The following GRID1 variants were observed in gnomAD, a reference collection of about 807,000 sequenced individuals.
GRID1 encodes the protein glutamate receptor ionotropic, delta-1.
GRID1 carries 28 observed loss-of-function variants against 98.0 expected under a neutral mutation model. The ratio of observed to expected loss-of-function variants is 0.29; its 90% CI spans 0.21 to 0.39. The LOEUF (loss-of-function observed/expected upper bound fraction) is 0.39. Among genes scored for constraint, GRID1 ranks in the 10% least tolerant of loss-of-function variants. GRID1 has a pLI of 1.00. For missense variants in GRID1, 1,111 were observed against 1,340.5 expected (o/e 0.83, Z 2.67); for synonymous variants, 553 against 538.5 (o/e 1.03, Z -0.37).
intron 8 of GRID1, among the ~76,000 whole-genome samples, chr10:85,834,187 T>C (rs1304257424): frequency 6.6e-6 from 1 of 152,150 alleles, no homozygotes; most frequent in Non-Finnish European, 1.5e-5. Flanking sequence ...CATATCATAA[T>C]AAAACTTCTG....
intron 2 of GRID1, among the ~76,000 whole-genome samples, chr10:86,307,126 T>C (rs914167673): frequency 2.6e-5 from 4 of 152,178 alleles, no homozygotes; most frequent in African/African-American, 7.2e-5. Context: ...GAAAACAGTA[T>C]TGGGTATTGG....
At chr10:85,632,952 A>G (rs1189680496) in intron 13 of GRID1, among the ~76,000 whole-genome samples, 1 of 152,032 alleles carries the variant, frequency 6.6e-6, no homozygotes, top group Non-Finnish European at 1.5e-5. Flanking sequence ...TTCAGCTCCC[A>G]CTTATGAGTG....
chr10:86,325,665 C>G (rs1046747440), intron 2 of GRID1, among the ~76,000 whole-genome samples: 8 of 152,178 alleles, frequency 5.3e-5, no homozygotes, highest in Non-Finnish European at 1.0e-4. Flanking sequence ...AAGAACATAA[C>G]AAGAGAAATT....
chr10:85,910,793 A>C (rs1455430099), intron 5 of GRID1, among the ~76,000 whole-genome samples: 1 of 152,262 alleles, frequency 6.6e-6, no homozygotes, highest in Non-Finnish European at 1.5e-5. Flanking sequence ...AGGCATGTGC[A>C]TCAATTCCCC....
chr10:85,613,671 C>T (rs1260755104), intron 14 of GRID1, 24 bp from the exon 15 acceptor site: 2 of 1,602,902 alleles, frequency 1.2e-6, no homozygotes, highest in Admixed American at 1.7e-5. Context: ...TCAAGGTGAG[C>T]TATAGCCACT....
At chr10:86,172,397 C>T (rs1163219320) in intron 3 of GRID1, among the ~76,000 whole-genome samples, 1 of 152,158 alleles carries the variant, frequency 6.6e-6, no homozygotes, top group Non-Finnish European at 1.5e-5. Flanking sequence ...CATATTCATG[C>T]ATACACCTAC....
At chr10:86,274,086 T>A (rs1847229365) in intron 2 of GRID1, among the ~76,000 whole-genome samples, 1 of 152,228 alleles carries the variant, frequency 6.6e-6, no homozygotes, top group Admixed American at 6.5e-5. Context: ...AATTAATTTT[T>A]GTATAAGGTG....
chr10:85,622,922 G>T (rs1842873641), intron 13 of GRID1, among the ~76,000 whole-genome samples: 1 of 152,320 alleles, frequency 6.6e-6, no homozygotes, highest in Middle Eastern at 3.4e-3. Flanking sequence ...GTGCCTCCAA[G>T]AACTGGTAAC....
chr10:85,844,799 C>T lies in GRID1; in HGVS notation c.1233+9697G>A, dbSNP rs76493488. ...AAATGAGCACCAACAAAAAGGAATACATCAACATAATTTATCATATTAACA... is the reference window on the plus strand; with the variant it reads ...AAATGAGCACCAACAAAAAGGAATATATCAACATAATTTATCATATTAACA... On this transcript the variant is annotated intron_variant, in intron 8 of 15. Coordinates refer to ENST00000327946, the MANE Select transcript of GRID1 (RefSeq NM_017551.3). Among the ~76,000 whole-genome samples the T allele has an allele frequency of 5.7e-3, 865 of 152,054 alleles. 7 individuals are homozygous for T. The highest frequency in any genetic ancestry group is 0.02 in the African/African-American group (813 of 41,496).
chr10:85,864,741 G>T (rs1036266633), intron 6 of GRID1, among the ~76,000 whole-genome samples: 3 of 152,176 alleles, frequency 2.0e-5, no homozygotes, highest in African/African-American at 7.2e-5. Flanking sequence ...CTCTAATAGA[G>T]TGTGTGCAGC....
chr10:86,350,955 C>T (rs979615419), intron 2 of GRID1, among the ~76,000 whole-genome samples: 2 of 152,238 alleles, frequency 1.3e-5, no homozygotes, highest in Non-Finnish European at 2.9e-5. Flanking sequence ...TCCCCCTGCC[C>T]TCCCCAGTCT....
At chr10:86,012,958 G>C (rs914373619) in intron 4 of GRID1, among the ~76,000 whole-genome samples, 2 of 152,172 alleles carry the variant, frequency 1.3e-5, no homozygotes, top group Non-Finnish European at 2.9e-5. Flanking sequence ...CTGAAGGAAA[G>C]GAAATAATAC....
At chr10:85,606,737 A>C (rs1842671454) in intron 15 of GRID1, 1 of 152,192 alleles carries the variant, frequency 6.6e-6, no homozygotes. Flanking sequence ...CAGCCAAGGA[A>C]AGAGGAGACA....
At chr10:86,092,875 G>T (rs1844168632) in intron 4 of GRID1, among the ~76,000 whole-genome samples, 1 of 152,132 alleles carries the variant, frequency 6.6e-6, no homozygotes, top group Admixed American at 6.5e-5. Flanking sequence ...CTATACCTTG[G>T]AACAAATGGA....
At chr10:85,679,851 G>C (rs749230765) in intron 12 of GRID1, among the ~76,000 whole-genome samples, 1 of 152,134 alleles carries the variant, frequency 6.6e-6, no homozygotes, top group Non-Finnish European at 1.5e-5. Flanking sequence ...ACACTCCAGC[G>C]CCTGCCCTGA....
At chr10:85,826,544 C>CG (rs1421174311) in intron 8 of GRID1, among the ~76,000 whole-genome samples, 2 of 152,058 alleles carry the variant, frequency 1.3e-5, no homozygotes, top group Non-Finnish European at 2.9e-5. Flanking sequence ...AAGCATGTGC[C>CG]GGAATGCTGT....
chr10:85,876,181 T>A (rs1173971980), intron 5 of GRID1, among the ~76,000 whole-genome samples: 2 of 152,154 alleles, frequency 1.3e-5, no homozygotes, highest in African/African-American at 4.8e-5. Flanking sequence ...TAACAGAGTT[T>A]TATTCTATCA....
intron 8 of GRID1, among the ~76,000 whole-genome samples, chr10:85,804,293 A>G (rs889748337): frequency 6.6e-5 from 10 of 152,016 alleles, no homozygotes; most frequent in African/African-American, 2.4e-4. Flanking sequence ...GTGAAAAAAA[A>G]AGTTTTGAGA....
At chr10:86,271,450 AT>A (rs1238420495) in intron 2 of GRID1, among the ~76,000 whole-genome samples, 1 of 152,250 alleles carries the variant, frequency 6.6e-6, no homozygotes, top group Non-Finnish European at 1.5e-5. Context: ...GAAGAAAAAA[AT>A]CAATCGATCA....
Sources: allele counts gnomAD v4.1 joint callset (sites outside exome capture counted in the v4.1 genomes callset), GRCh38; gene constraint gnomAD v4.1.1; transcripts MANE v1.5; gene names NCBI Gene and HGNC (gene_info 2026-07-23, HGNC 2026-07-21).